Variants in ANKS1A observed in about 807,000 individuals in gnomAD.
The protein encoded by ANKS1A is ankyrin repeat and sterile alpha motif domain containing 1A.
A neutral mutation model predicts 120.3 loss-of-function variants in ANKS1A; 55 were observed. That is an observed-to-expected ratio of 0.46 (90% CI 0.37 to 0.57). The LOEUF is 0.57. Ranked by LOEUF, ANKS1A falls within the 20% of genes least tolerant of loss-of-function variation. The pLI, the probability that ANKS1A is intolerant of heterozygous loss-of-function variation, is 0.00. For synonymous variants in ANKS1A, 590 were observed against 604.7 expected (o/e 0.98, Z 0.36); for missense variants, 1,123 against 1,480.3 (o/e 0.76, Z 3.96).
chr6:34,914,681 T>TA, intron 1 of ANKS1A, among the ~76,000 whole-genome samples: 1 of 152,326 alleles, frequency 6.6e-6, no homozygotes, highest in African/African-American at 2.4e-5. Context: ...TTTATTTTAT[T>TA]AAAAAACAGG....
chr6:35,073,459 CAG>C (rs1491289692), intron 13 of ANKS1A, among the ~76,000 whole-genome samples: 14 of 152,324 alleles, frequency 9.2e-5, no homozygotes, highest in South Asian at 2.1e-4. Context: ...CGAGTCAGGA[CAG>C]GGGGAGGCCC....
intron 3 of ANKS1A, among the ~76,000 whole-genome samples, chr6:34,980,196 C>T (rs1245564419): frequency 2.0e-5 from 3 of 152,260 alleles, no homozygotes; most frequent in East Asian, 3.8e-4. Context: ...CGGCTGTATC[C>T]TCTGGCCAGC....
rs563805275 is a variant in ANKS1A at position 35,009,889 on chromosome 6, G to A, written c.1424-7584G>A. ...CTGCACTCCAGCCTGGGTGACACGA[G>A]CAAGACTCTGTCTAAAAAAAAAAAA... is the stretch of plus-strand genomic sequence containing the variant. On this transcript the variant is annotated intron_variant, in intron 10 of 23. Transcript: ENST00000360359. 1.3e-3 allele frequency: 196 copies of A among 145,558 alleles called. 2 individuals carry two copies. Among genetic ancestry groups the A allele is most frequent in the African/African-American group, 7.5e-3 (186 of 24,966 alleles). 9.0% of individuals were successfully genotyped at this position (145,558 alleles called of 1,614,324 possible).
chr6:35,080,023 G>A (rs1777588381), intron 16 of ANKS1A, 95 bp downstream of exon 16: 1 of 1,388,134 alleles, frequency 7.2e-7, no homozygotes, highest in African/African-American at 1.4e-5. Context: ...GACCACTGTA[G>A]TGTAGGAGAA....
At position 35,088,892 on chromosome 6, in the gene ANKS1A, A is replaced by T. The variant is rs1778146539; in HGVS notation, c.*283A>T. ...AGAACACATTGTTTTTAACAGAAAA[A>T]AAATCTTTTTATAAAATGAACTTTT... On this transcript the variant is annotated 3_prime_UTR_variant, in exon 24 of 24. Transcript: ENST00000360359. The T allele has an allele frequency of 3.6e-6, 5 of 1,408,218 alleles. No homozygotes were observed. 87.2% of individuals were successfully genotyped at this position (1,408,218 alleles called of 1,614,324 possible). A position where few individuals can be genotyped will look rare whatever the true frequency, so the allele number is the denominator to read the frequency against.
At chr6:34,903,225 T>C (rs9357187) in intron 1 of ANKS1A, among the ~76,000 whole-genome samples, 11,096 of 152,282 alleles carry the variant, frequency 0.073, 615 homozygotes, top group East Asian at 0.23. Flanking sequence ...TCTTCTGTGT[T>C]TTTTATCCTA....
chr6:34,964,692 C>T (rs1005431074), intron 1 of ANKS1A, among the ~76,000 whole-genome samples: 7 of 152,120 alleles, frequency 4.6e-5, no homozygotes, highest in Non-Finnish European at 1.0e-4. Context: ...TGAAGCAGTC[C>T]TGTACCAGCA....
At chr6:34,957,638 T>C (rs183514505) in intron 1 of ANKS1A, among the ~76,000 whole-genome samples, 17 of 152,342 alleles carry the variant, frequency 1.1e-4, no homozygotes, top group Middle Eastern at 3.4e-3. Context: ...CTAGGACCTC[T>C]CTTCCCCCTC....
chr6:35,068,763 A>C (rs1226364481), intron 13 of ANKS1A, among the ~76,000 whole-genome samples: 3 of 152,090 alleles, frequency 2.0e-5, no homozygotes, highest in Admixed American at 6.5e-5. Flanking sequence ...CTTGCAAGAG[A>C]GGAGAGTTCA....
chr6:34,908,483 C>G (rs1040303649), intron 1 of ANKS1A, among the ~76,000 whole-genome samples: 2 of 152,136 alleles, frequency 1.3e-5, no homozygotes, highest in East Asian at 1.9e-4. Flanking sequence ...GTCTAGGCCA[C>G]TTTATCTCTA....
chr6:34,961,638 A>G (rs1353487068), intron 1 of ANKS1A, among the ~76,000 whole-genome samples: 1 of 152,172 alleles, frequency 6.6e-6, no homozygotes, highest in African/African-American at 2.4e-5. Context: ...GGCTTGCTTC[A>G]TCCTGCCTTT....
At chr6:34,991,647 CACAT>C (rs1350893295) in intron 9 of ANKS1A, among the ~76,000 whole-genome samples, 1 of 137,702 alleles carries the variant, frequency 7.3e-6, no homozygotes, top group African/African-American at 2.5e-5. Flanking sequence ...TATATACACA[CACAT>C]ATATATACAC....
the ANKS1A span, among the ~76,000 whole-genome samples, chr6:35,097,647 A>C: frequency 1.1e-4 from 16 of 145,730 alleles, no homozygotes; most frequent in South Asian, 4.2e-4. Flanking sequence ...GAAAAAAAAA[A>C]AAAAAAAAAA....
rs1581718464 is a variant in ANKS1A, at chr6:34,937,372, T to C, written c.198-29867T>C. On this transcript the variant is annotated intron_variant, in intron 1 of 23. Coordinates refer to ENST00000360359, the MANE Select transcript of ANKS1A (RefSeq NM_015245.3). ...GATTCAAATCCTGTTTTAGAATTTA[T>C]TATCTTAGGGCCCTTGTATGATTAT... 2.0e-5 allele frequency among the ~76,000 whole-genome samples: 3 copies of C among 152,012 alleles called. No homozygotes were observed. In the East Asian group the frequency reaches 5.8e-4, roughly 29 times the overall value.
At chr6:34,935,312 C>T (rs530115512) in intron 1 of ANKS1A, among the ~76,000 whole-genome samples, 3 of 152,306 alleles carry the variant, frequency 2.0e-5, no homozygotes, top group African/African-American at 4.8e-5. Context: ...GTCTCAAACT[C>T]CTGGGCTCAA....
chr6:34,989,528 G>T (rs1046578082), intron 9 of ANKS1A, among the ~76,000 whole-genome samples: 19 of 152,128 alleles, frequency 1.2e-4, no homozygotes, highest in African/African-American at 4.3e-4. Flanking sequence ...GTATTGATCT[G>T]CCATACCACA....
intron 1 of ANKS1A, among the ~76,000 whole-genome samples, chr6:34,906,916 G>A (rs751566934): frequency 3.3e-5 from 5 of 152,190 alleles, no homozygotes; most frequent in Admixed American, 6.5e-5. Context: ...TAACTTTATA[G>A]TGGGAAAATC....
chr6:34,994,326 C>A lies in ANKS1A; in HGVS notation c.1327C>A (p.His443Asn), dbSNP rs1256493893. 1 of 1,613,610 alleles carries A rather than the reference C, an allele frequency of 6.2e-7. No individual in the cohort carries two copies. The highest frequency in any genetic ancestry group is 1.1e-5 in the South Asian group (1 of 91,062). ...GGTTCTGTCCATGAGACCTAGGATTCATGGGAGTGCAGCCCGGGAAGAAGA... is the reference window on the plus strand; with the variant it reads ...GGTTCTGTCCATGAGACCTAGGATTAATGGGAGTGCAGCCCGGGAAGAAGA... ...SEVLSMRPRI[H>N]GSAAREEDEH... The change falls in exon 10 of 24, where the codon CAT (histidine) becomes AAT (asparagine). Residue 443 changes from histidine (H) to asparagine (N), a missense_variant. By Grantham distance (68) the His-to-Asn change is moderately conservative (BLOSUM62 1). This residue lies in a region of ANKS1A where 904 missense variants were observed against 1,130.4 expected (regional missense o/e 0.80). Transcript: ENST00000360359.
chr6:34,996,273 A>C (rs1581617261), intron 10 of ANKS1A, among the ~76,000 whole-genome samples: 1 of 152,130 alleles, frequency 6.6e-6, no homozygotes, highest in African/African-American at 2.4e-5. Flanking sequence ...TTGCTCATTG[A>C]AAAAAATTAG....
Sources: allele counts gnomAD v4.1 joint callset (sites outside exome capture counted in the v4.1 genomes callset), GRCh38; gene constraint gnomAD v4.1.1; regional missense constraint gnomAD v4.1.1; transcripts MANE v1.5; gene names NCBI Gene and HGNC (gene_info 2026-07-23, HGNC 2026-07-21).